Variants in COL28A1 observed in about 807,000 individuals in gnomAD.
The protein encoded by COL28A1 is collagen type XXVIII alpha 1 chain.
A neutral mutation model predicts 150.2 loss-of-function variants in COL28A1; 161 were observed. The ratio of observed to expected loss-of-function variants is 1.07; its 90% confidence interval spans 0.94 to 1.22. The LOEUF is 1.22. COL28A1 is among the 50% of genes most tolerant of loss of function. COL28A1 has a pLI of 0.00. For missense variants in COL28A1, 1,617 were observed against 1,388.3 expected (o/e 1.16, Z -2.62); for synonymous variants, 552 against 469.7 (o/e 1.18, Z -2.26).
intron 3 of COL28A1, among the ~76,000 whole-genome samples, chr7:7,529,224 G>A (rs1011786759): frequency 2.7e-5 from 4 of 145,724 alleles, no homozygotes. Context: ...GGGAGGCAGA[G>A]TTTGCAGTGA....
chr7:7,474,601 CT>C lies in COL28A1; in HGVS notation c.1301del (p.Lys434ArgfsTer4). The C allele has an allele frequency of 8.5e-7, 1 of 1,174,190 alleles. No individual in the cohort carries two copies. The highest frequency in any genetic ancestry group is 1.3e-6 in the Non-Finnish European group (1 of 779,118). The allele number at this position is 1,174,190 out of a possible 1,614,324, so 72.7% of individuals were successfully genotyped here. On this transcript the variant is annotated frameshift_variant and splice_region_variant, in exon 15 of 35. Transcript: ENST00000399429. LOFTEE classifies it high-confidence loss of function. ...CAGTGTACACCCTATTATACAGTAC[CT>C]TCTCCCCTTTGATTGACAGGCCTTG... Reference protein sequence around the residue: ...GLQGLSIKGEKGDIGPVGPQG... With the variant: ...GLQGLSIKGEXGDIGPVGPQG...
intron 15 of COL28A1, among the ~76,000 whole-genome samples, chr7:7,464,340 C>A (rs927898626): frequency 6.6e-6 from 1 of 152,062 alleles, no homozygotes; most frequent in African/African-American, 2.4e-5. Flanking sequence ...AACATTCTAC[C>A]CAACAACCAC....
intron 14 of COL28A1, among the ~76,000 whole-genome samples, chr7:7,475,185 T>C (rs890158857): frequency 9.9e-5 from 15 of 152,230 alleles, no homozygotes; most frequent in African/African-American, 3.6e-4. Flanking sequence ...GATATGCTCC[T>C]ACAGTTACAT....
At chr7:7,352,413 A>T (rs1158387994), downstream of COL28A1, among the ~76,000 whole-genome samples, 1 of 152,146 alleles carries the variant, frequency 6.6e-6, no homozygotes, top group Non-Finnish European at 1.5e-5. Context: ...GGGACTTTGT[A>T]GATGTAACTA....
chr7:7,356,866 T>G (rs553304468), downstream of COL28A1: 81 of 152,262 alleles, frequency 5.3e-4, no homozygotes, highest in African/African-American at 1.9e-3. Context: ...GACAAACATG[T>G]TGCATTATCT....
At chr7:7,349,633 G>C in the COL28A1 span, among the ~76,000 whole-genome samples, 2 of 152,048 alleles carry the variant, frequency 1.3e-5, no homozygotes, top group African/African-American at 2.4e-5. Context: ...CTGTGCTATG[G>C]CCTGGAAACT....
chr7:7,356,639 A>T (rs1445166471), downstream of COL28A1: 1 of 152,024 alleles, frequency 6.6e-6, no homozygotes, highest in Non-Finnish European at 1.5e-5. Context: ...TGGGAGTTGA[A>T]CAATGAGAAC....
At chr7:7,374,036 AAAATAT>A (rs1247046704) in intron 31 of COL28A1, among the ~76,000 whole-genome samples, 3 of 77,844 alleles carry the variant, frequency 3.9e-5, no homozygotes, top group East Asian at 3.5e-4. Flanking sequence ...AAAAAAAAAA[AAAATAT>A]ATATATATAT....
At chr7:7,468,485 G>C (rs1288756628) in intron 15 of COL28A1, among the ~76,000 whole-genome samples, 1 of 114,372 alleles carries the variant, frequency 8.7e-6, no homozygotes, top group East Asian at 2.6e-4. Flanking sequence ...CAACCAAAAA[G>C]AGTCCAGGAC....
chr7:7,461,686 T>C (rs1562730736), intron 15 of COL28A1, among the ~76,000 whole-genome samples: 1 of 152,060 alleles, frequency 6.6e-6, no homozygotes, highest in Non-Finnish European at 1.5e-5. Flanking sequence ...ACAATTCCAT[T>C]GATCTGGGAA....
intron 19 of COL28A1, among the ~76,000 whole-genome samples, chr7:7,444,111 TA>T (rs1269660101): frequency 1.3e-5 from 2 of 151,712 alleles, no homozygotes; most frequent in African/African-American, 2.4e-5. Flanking sequence ...ACTTGCCTCT[TA>T]GGGGGAGGCG....
At chr7:7,493,870 A>C (rs945767384) in intron 11 of COL28A1, among the ~76,000 whole-genome samples, 2 of 151,790 alleles carry the variant, frequency 1.3e-5, no homozygotes, top group African/African-American at 4.8e-5. Flanking sequence ...ACACACACAA[A>C]GACAGAGAGA....
At chr7:7,381,254 A>AT (rs1461012837) in intron 28 of COL28A1, among the ~76,000 whole-genome samples, 4 of 152,114 alleles carry the variant, frequency 2.6e-5, no homozygotes, top group Non-Finnish European at 4.4e-5. Flanking sequence ...AGAAAATGAG[A>AT]TTTTTTTAAA....
At chr7:7,516,410 T>G (rs1407727407) in intron 7 of COL28A1, among the ~76,000 whole-genome samples, 1 of 152,208 alleles carries the variant, frequency 6.6e-6, no homozygotes, top group African/African-American at 2.4e-5. Flanking sequence ...CTACTGTCTT[T>G]TATCTCACAC....
intron 33 of COL28A1, among the ~76,000 whole-genome samples, chr7:7,363,449 C>G (rs954655916): frequency 1.3e-4 from 20 of 152,076 alleles, no homozygotes; most frequent in Non-Finnish European, 1.5e-5. Context: ...AATTTTCTGG[C>G]TCAGTGAGAT....
intron 27 of COL28A1, among the ~76,000 whole-genome samples, chr7:7,413,815 G>A (rs781650912): frequency 6.6e-6 from 1 of 152,202 alleles, no homozygotes; most frequent in Non-Finnish European, 1.5e-5. Flanking sequence ...TACAGGAAGA[G>A]CAAAAGGCAG....
At chr7:7,339,328 AGCC>A in the COL28A1 span, among the ~76,000 whole-genome samples, 4 of 152,136 alleles carry the variant, frequency 2.6e-5, no homozygotes, top group African/African-American at 7.2e-5. Flanking sequence ...GTCTTGCACC[AGCC>A]CTAACACTCC....
chr7:7,381,752 T>C, intron 27 of COL28A1, 140 bp from the exon 28 acceptor site: 2 of 555,874 alleles, frequency 3.6e-6, no homozygotes, highest in Non-Finnish European at 6.3e-6. Flanking sequence ...TATATATGTA[T>C]ATAAATACAT....
upstream of COL28A1, chr7:7,535,899 G>C (rs1462014407): frequency 6.6e-6 from 1 of 152,176 alleles, no homozygotes; most frequent in Non-Finnish European, 1.5e-5. Flanking sequence ...GCAGTCTTTT[G>C]TTCATGTTTA....
Sources: gnomAD v4.1 joint callset for allele counts (sites outside exome capture counted in the v4.1 genomes callset) on GRCh38, gnomAD v4.1.1 for gene constraint, MANE v1.5 for transcripts, NCBI Gene and HGNC (gene_info 2026-07-23, HGNC 2026-07-21) for gene names.